NUDT3: variants seen among roughly 807,000 people sequenced by gnomAD.
NUDT3 encodes diphosphoinositol polyphosphate phosphohydrolase 1.
NUDT3 carries 9 observed loss-of-function variants against 23.6 expected under a neutral mutation model. That is an observed-to-expected ratio of 0.38 (90% CI 0.23 to 0.66). NUDT3 has a LOEUF of 0.66. Among genes scored for constraint, NUDT3 ranks in the 30% least tolerant of loss-of-function variants. The pLI is 0.52. For synonymous variants in NUDT3, 86 were observed against 82.6 expected (o/e 1.04, Z -0.22); for missense variants, 172 against 218.5 (o/e 0.79, Z 1.34).
intron 3 of NUDT3, 72 bp downstream of exon 3, chr6:34,295,569 C>G (rs889260495): frequency 6.7e-7 from 1 of 1,499,824 alleles, no homozygotes; most frequent in Non-Finnish European, 9.0e-7. Context: ...ACAGAAATGG[C>G]ATTTTTCCTA....
intron 1 of NUDT3, among the ~76,000 whole-genome samples, chr6:34,366,473 A>AAGGGAGGG (rs529092584): frequency 0.014 from 415 of 29,784 alleles, 37 homozygotes; most frequent in Middle Eastern, 0.031. Context: ...AGAGAGAGGG[A>AAGGGAGGG]AGGGAGGGAG....
At chr6:34,296,972 C>T (rs1271711216) in intron 2 of NUDT3, among the ~76,000 whole-genome samples, 1 of 148,490 alleles carries the variant, frequency 6.7e-6, no homozygotes, top group African/African-American at 2.5e-5. Flanking sequence ...CGCTCTGTCA[C>T]CCAGGCTGGA....
In NUDT3 at chr6:34,283,343, T is replaced by C. The variant is rs1763299591; in HGVS notation, c.*5410A>G. 6.6e-6 allele frequency: 1 copy of C among 152,200 alleles called. No individual in the cohort carries two copies. Among genetic ancestry groups the C allele is most frequent in the Non-Finnish European group, 1.5e-5 (1 of 68,288 alleles). 9.4% of individuals were successfully genotyped at this position (152,200 alleles called of 1,614,324 possible). On this transcript the variant is annotated 3_prime_UTR_variant, in exon 5 of 5. Coordinates refer to ENST00000607016, the MANE Select transcript of NUDT3 (RefSeq NM_006703.4). ...CCTCAGCCTCCCGAGTAGCTGGGAC[T>C]ACAGGAGCGTGCCACTACACCTGGC...
chr6:34,318,144 A>G (rs183336182), intron 2 of NUDT3, among the ~76,000 whole-genome samples: 25 of 152,270 alleles, frequency 1.6e-4, no homozygotes, highest in African/African-American at 5.8e-4. Context: ...ACGGAATTTC[A>G]GCAATTCTAA....
chr6:34,309,744 C>A (rs1373869405), intron 2 of NUDT3, among the ~76,000 whole-genome samples: 2 of 151,816 alleles, frequency 1.3e-5, no homozygotes, highest in Non-Finnish European at 2.9e-5. Flanking sequence ...TAATATTAGA[C>A]ATGAAAGAGG....
chr6:34,355,106 G>T (rs930419303), intron 1 of NUDT3, among the ~76,000 whole-genome samples: 2 of 152,042 alleles, frequency 1.3e-5, no homozygotes, highest in African/African-American at 4.8e-5. Flanking sequence ...TCTATTCCCA[G>T]TATTAGGAGG....
intron 1 of NUDT3, among the ~76,000 whole-genome samples, chr6:34,354,487 C>G (rs1764529279): frequency 6.6e-6 from 1 of 151,498 alleles, no homozygotes; most frequent in Non-Finnish European, 1.5e-5. Flanking sequence ...CTCTGGGAGG[C>G]CGAGGCAGAT....
chr6:34,297,550 GT>G (rs59167136), intron 2 of NUDT3, among the ~76,000 whole-genome samples: 22,057 of 131,154 alleles, frequency 0.17, 1,969 homozygotes, highest in African/African-American at 0.25. Context: ...AAAAGTCATT[GT>G]TTTTTTTTTT....
intron 4 of NUDT3, among the ~76,000 whole-genome samples, chr6:34,290,401 C>CTTTTTT (rs952499361): frequency 1.9e-5 from 2 of 107,336 alleles, no homozygotes; most frequent in African/African-American, 3.4e-5. Context: ...GCTGCTGCTT[C>CTTTTTT]TTTTTTTTTT....
chr6:34,336,912 A>G (rs1436195991), intron 2 of NUDT3, among the ~76,000 whole-genome samples: 1 of 152,250 alleles, frequency 6.6e-6, no homozygotes, highest in Non-Finnish European at 1.5e-5. Flanking sequence ...ATCTGAAAGC[A>G]TAAACATCTT....
intron 1 of NUDT3, among the ~76,000 whole-genome samples, chr6:34,365,386 G>A (rs1031261834): frequency 3.3e-5 from 5 of 152,038 alleles, no homozygotes; most frequent in Admixed American, 6.6e-5. Flanking sequence ...CCAAGATCGC[G>A]CCACTGCACT....
chr6:34,390,452 T>G (rs536806809), intron 1 of NUDT3, among the ~76,000 whole-genome samples: 13 of 152,190 alleles, frequency 8.5e-5, no homozygotes, highest in African/African-American at 3.1e-4. Flanking sequence ...AAATGGAAAA[T>G]TAAGCCGTTG....
At position 34,287,953 on chromosome 6, in the gene NUDT3, A is replaced by T. The variant is rs79043103; in HGVS notation, c.*800T>A. 0.095 allele frequency: 14,528 copies of T among 152,192 alleles called. 803 individuals are homozygous for T. Among genetic ancestry groups the T allele is most frequent in the Non-Finnish European group, 0.12 (8,175 of 67,992 alleles). The allele number at this position is 152,192 out of a possible 1,614,324, so 9.4% of individuals were successfully genotyped here. A position where few individuals can be genotyped will look rare whatever the true frequency, so the allele number is the denominator to read the frequency against. On this transcript the variant is annotated 3_prime_UTR_variant, in exon 5 of 5. Transcript: ENST00000607016. ...GCTCCTTGCTTGGTTAAAAAAAAAT[A>T]AAAAAATAAAAAAAGGTTTCTTCCT...
chr6:34,290,244 TC>T (rs1205221994), intron 4 of NUDT3, among the ~76,000 whole-genome samples: 2 of 150,080 alleles, frequency 1.3e-5, no homozygotes, highest in African/African-American at 5.0e-5. Flanking sequence ...TTTCTTTCTC[TC>T]TTTTTTTTTT....
At chr6:34,375,779 A>G (rs1251261689) in intron 1 of NUDT3, among the ~76,000 whole-genome samples, 1 of 152,190 alleles carries the variant, frequency 6.6e-6, no homozygotes, top group Admixed American at 6.5e-5. Flanking sequence ...CCACACGTCC[A>G]TCTTACCATT....
At chr6:34,334,717 G>A (rs770440666) in intron 2 of NUDT3, among the ~76,000 whole-genome samples, 2 of 151,980 alleles carry the variant, frequency 1.3e-5, no homozygotes, top group African/African-American at 2.4e-5. Flanking sequence ...GAGGGAGGAG[G>A]GGCTGGAAGC....
Position 34,295,693 on chromosome 6 carries a change from G to A in NUDT3, c.211-8C>T. The A allele has an allele frequency of 4.3e-6, 7 of 1,613,730 alleles. No individual in the cohort carries two copies. The highest frequency in any genetic ancestry group is 5.9e-6 in the Non-Finnish European group (7 of 1,179,864). The stretch of plus-strand genomic sequence containing the variant: ...TGTCCCTTTTACTCCAGCCTAGAAA[G>A]TGAAAAGAACAATTAATGCACTGAT... On this transcript the variant is annotated splice_polypyrimidine_tract_variant and splice_region_variant and intron_variant, in intron 2 of 4. Transcript: ENST00000607016.
chr6:34,382,046 C>T (rs1195291867), intron 1 of NUDT3, among the ~76,000 whole-genome samples: 1 of 138,890 alleles, frequency 7.2e-6, no homozygotes, highest in Non-Finnish European at 1.5e-5. Context: ...GCACTCCAGC[C>T]TGAGCGACAG....
At chr6:34,356,727 A>C (rs1174239042) in intron 1 of NUDT3, among the ~76,000 whole-genome samples, 5 of 152,120 alleles carry the variant, frequency 3.3e-5, no homozygotes, top group African/African-American at 1.2e-4. Context: ...TCAATCATTT[A>C]TTTTGTGTTT....
Sources: gnomAD v4.1 joint callset for allele counts (sites outside exome capture counted in the v4.1 genomes callset) on GRCh38, gnomAD v4.1.1 for gene constraint, MANE v1.5 for transcripts, NCBI Gene and HGNC (gene_info 2026-07-23, HGNC 2026-07-21) for gene names.